SEMA6D: variants seen among roughly 807,000 people sequenced by gnomAD.
SEMA6D encodes the protein semaphorin 6D.
In SEMA6D, 35 loss-of-function variants were observed where a neutral mutation model predicts 106.6. The ratio of observed to expected loss-of-function variants is 0.33; its 90% CI spans 0.25 to 0.44. The LOEUF (loss-of-function observed/expected upper bound fraction) is 0.44. Ranked by LOEUF, SEMA6D falls within the 20% of genes least tolerant of loss-of-function variation. The pLI, the probability that SEMA6D is intolerant of heterozygous loss-of-function variation, is 1.00. For synonymous variants in SEMA6D, 499 were observed against 487.7 expected, an observed-to-expected ratio of 1.02 and a Z score of -0.31; for missense variants, 1,185 against 1,345.9, an observed-to-expected ratio of 0.88 and a Z score of 1.87.
intron 1 of SEMA6D, among the ~76,000 whole-genome samples, chr15:47,264,866 A>G (rs1947683551): frequency 6.6e-6 from 1 of 152,030 alleles, no homozygotes; most frequent in Non-Finnish European, 1.5e-5. Flanking sequence ...GATTTTTGAG[A>G]TAATCTTTAA....
At chr15:47,695,377 A>C (rs1341267178) in intron 4 of SEMA6D, among the ~76,000 whole-genome samples, 1 of 152,124 alleles carries the variant, frequency 6.6e-6, no homozygotes, top group Non-Finnish European at 1.5e-5. Context: ...CTTCCTTTGC[A>C]AGGTGCCAGT....
intron 1 of SEMA6D, among the ~76,000 whole-genome samples, chr15:47,718,220 C>T (rs1252298764): frequency 6.6e-6 from 1 of 152,200 alleles, no homozygotes; most frequent in Non-Finnish European, 1.5e-5. Context: ...GCGGGCTTAG[C>T]CGCCCCCTCC....
chr15:47,503,669 G>A (rs897034621), intron 3 of SEMA6D, among the ~76,000 whole-genome samples: 3 of 145,096 alleles, frequency 2.1e-5, no homozygotes, highest in Non-Finnish European at 3.0e-5. Flanking sequence ...GCACATGCAG[G>A]GGTGCTCTCT....
At chr15:47,312,370 C>G (rs765377797) in intron 1 of SEMA6D, among the ~76,000 whole-genome samples, 157 of 152,074 alleles carry the variant, frequency 1.0e-3, no homozygotes, top group Non-Finnish European at 1.6e-3. Context: ...TTTCCTTATT[C>G]TCTATAATTG....
intron 1 of SEMA6D, among the ~76,000 whole-genome samples, chr15:47,306,398 TA>T (rs1372648746): frequency 6.6e-6 from 1 of 152,062 alleles, no homozygotes; most frequent in East Asian, 1.9e-4. Flanking sequence ...ATTGTGAAAA[TA>T]AATAGAAAAT....
intron 1 of SEMA6D, among the ~76,000 whole-genome samples, chr15:47,315,658 T>C (rs1595713431): frequency 1.3e-5 from 2 of 152,300 alleles, no homozygotes; most frequent in East Asian, 1.9e-4. Context: ...TTTTATTGGG[T>C]TTGTGTTTAA....
At chr15:47,694,338 G>A (rs961955094) in intron 4 of SEMA6D, among the ~76,000 whole-genome samples, 5 of 152,052 alleles carry the variant, frequency 3.3e-5, no homozygotes, top group African/African-American at 9.7e-5. Context: ...TGTGCAAAAA[G>A]TCTATATTTA....
At chr15:47,746,725 A>C (rs921606964) in intron 1 of SEMA6D, among the ~76,000 whole-genome samples, 18 of 152,168 alleles carry the variant, frequency 1.2e-4, no homozygotes, top group African/African-American at 4.3e-4. Context: ...AGTGTTCCAC[A>C]GACAGGCTGA....
chr15:47,348,727 C>CACCACACACAGAGAGAGAGAGAGAG (rs1450109233), intron 1 of SEMA6D, among the ~76,000 whole-genome samples: 1 of 57,054 alleles, frequency 1.8e-5, no homozygotes, highest in African/African-American at 5.0e-5. Flanking sequence ...ACCACACACA[C>CACCACACACAGAGAGAGAGAGAGAG]AGAGAGAGAG....
intron 1 of SEMA6D, among the ~76,000 whole-genome samples, chr15:47,336,510 A>G (rs567509731): frequency 3.1e-4 from 47 of 152,298 alleles, no homozygotes; most frequent in African/African-American, 1.1e-3. Context: ...TTTTCACTAG[A>G]GGTGCATTTA....
chr15:47,687,457 GAA>G (rs931909572), intron 4 of SEMA6D, among the ~76,000 whole-genome samples: 12 of 152,084 alleles, frequency 7.9e-5, no homozygotes, highest in African/African-American at 2.9e-4. Flanking sequence ...CTAAAAAAAA[GAA>G]AGAGAGAAGA....
chr15:47,248,712 G>A (rs2033340768), intron 1 of SEMA6D, among the ~76,000 whole-genome samples: 1 of 152,126 alleles, frequency 6.6e-6, no homozygotes, highest in Non-Finnish European at 1.5e-5. Context: ...TTACAATGTA[G>A]AATGTCAGAC....
At chr15:47,415,971 T>A (rs2040953570) in intron 2 of SEMA6D, among the ~76,000 whole-genome samples, 6 of 152,176 alleles carry the variant, frequency 3.9e-5, no homozygotes. Flanking sequence ...TGGATGAAGT[T>A]AAACATAGTG....
chr15:47,739,383 C>T (rs1031796400), intron 1 of SEMA6D, among the ~76,000 whole-genome samples: 1 of 152,154 alleles, frequency 6.6e-6, no homozygotes, highest in Non-Finnish European at 1.5e-5. Context: ...AAGAATTCGG[C>T]CAGGTGCCTC....
intron 1 of SEMA6D, among the ~76,000 whole-genome samples, chr15:47,219,690 G>A (rs752872457): frequency 6.6e-6 from 1 of 152,130 alleles, no homozygotes; most frequent in Non-Finnish European, 1.5e-5. Context: ...ATTATATTCT[G>A]TACTTTATCA....
intron 2 of SEMA6D, among the ~76,000 whole-genome samples, chr15:47,460,468 T>C (rs1365125833): frequency 6.6e-6 from 1 of 152,072 alleles, no homozygotes; most frequent in Non-Finnish European, 1.5e-5. Flanking sequence ...TACCCGACTC[T>C]CAATGTGCTT....
At chr15:47,454,808 A>AT (rs1280813925) in intron 2 of SEMA6D, among the ~76,000 whole-genome samples, 1 of 151,928 alleles carries the variant, frequency 6.6e-6, no homozygotes, top group African/African-American at 2.4e-5. Context: ...TTATGCCTGA[A>AT]TTGTATTCCC....
intron 3 of SEMA6D, among the ~76,000 whole-genome samples, chr15:47,561,488 G>A (rs2046079384): frequency 6.6e-6 from 1 of 151,690 alleles, no homozygotes; most frequent in Admixed American, 6.6e-5. Flanking sequence ...ATTAAAGGAA[G>A]TCATTCAAGC....
rs565103496 is a variant in SEMA6D at position 47,743,110 on chromosome 15, G to A, written c.-54-16635G>A. On this transcript the variant is annotated intron_variant, in intron 1 of 18. Transcript: ENST00000536845. ...CATTGGTCAACTTAGGAAATGGGCC[G>A]GACAATATCACTGGCACACTGCTAA... is the stretch of plus-strand genomic sequence containing the variant. Among the ~76,000 whole-genome samples the A allele has an allele frequency of 7.9e-5, 12 of 152,216 alleles. 1 individual carries two copies. The highest frequency in any genetic ancestry group is 5.9e-4 in the Admixed American group (9 of 15,282).
Sources: allele counts gnomAD v4.1 joint callset (sites outside exome capture counted in the v4.1 genomes callset), GRCh38; gene constraint gnomAD v4.1.1; transcripts MANE v1.5; gene names NCBI Gene and HGNC (gene_info 2026-07-23, HGNC 2026-07-21).